METTL15: variants seen among roughly 807,000 people sequenced by gnomAD.
The protein encoded by METTL15 is 12S rRNA N(4)-cytidine methyltransferase METTL15.
In METTL15, 34 loss-of-function variants were observed where a neutral mutation model predicts 38.3. The observed-to-expected ratio is 0.89, with a 90% CI of 0.68 to 1.18. The LOEUF is 1.18. Ranked by LOEUF, METTL15 falls within the 50% of genes most tolerant of loss-of-function variation. The probability of loss-of-function intolerance (pLI) is 0.00; values close to 1 mark genes in which losing one functional copy is unlikely to be tolerated. For missense variants in METTL15, 438 were observed against 498.4 expected (o/e 0.88, Z 1.15); for synonymous variants, 162 against 170.9 (o/e 0.95, Z 0.41).
At chr11:28,300,477 G>A (rs572408501) in intron 6 of METTL15, among the ~76,000 whole-genome samples, 24 of 152,194 alleles carry the variant, frequency 1.6e-4, no homozygotes, top group African/African-American at 3.4e-4. Context: ...AGTTTGGTGC[G>A]TTTTGCTAGT....
At chr11:28,416,535 G>C (rs1256390980) in intron 5 of METTL15, among the ~76,000 whole-genome samples, 3 of 152,198 alleles carry the variant, frequency 2.0e-5, no homozygotes, top group African/African-American at 7.2e-5. Flanking sequence ...AACATGTTGG[G>C]TCCAGAACAG....
At chr11:28,407,833 TC>T (rs1850687272) in intron 5 of METTL15, among the ~76,000 whole-genome samples, 1 of 152,122 alleles carries the variant, frequency 6.6e-6, no homozygotes, top group Admixed American at 6.6e-5. Flanking sequence ...TATAAATCAT[TC>T]TATTATAAAG....
At chr11:28,318,240 C>T (rs1360901474) in intron 6 of METTL15, among the ~76,000 whole-genome samples, 12 of 152,068 alleles carry the variant, frequency 7.9e-5, no homozygotes, top group Non-Finnish European at 1.5e-5. Context: ...TTCTTTGCCA[C>T]CTGCTGTGTA....
At chr11:28,460,914 T>A (rs529416767) in intron 6 of METTL15, among the ~76,000 whole-genome samples, 2 of 152,136 alleles carry the variant, frequency 1.3e-5, no homozygotes, top group South Asian at 4.1e-4. Context: ...ACAGTAGTAA[T>A]CTTTTGGAGT....
chr11:28,482,949 G>T (rs1319642081), intron 6 of METTL15, among the ~76,000 whole-genome samples: 10 of 151,964 alleles, frequency 6.6e-5, no homozygotes. Context: ...ATAGGATAAG[G>T]CTGACCACTG....
At chr11:28,263,336 T>G (rs527495627) in intron 4 of METTL15, among the ~76,000 whole-genome samples, 2 of 152,248 alleles carry the variant, frequency 1.3e-5, no homozygotes, top group East Asian at 3.9e-4. Flanking sequence ...GGCATACCTT[T>G]TACCTTTTGG....
At chr11:28,322,793 A>G (rs899312141) in intron 6 of METTL15, among the ~76,000 whole-genome samples, 1 of 152,176 alleles carries the variant, frequency 6.6e-6, no homozygotes, top group African/African-American at 2.4e-5. Context: ...ATTGTGATGG[A>G]AAAAATAAAA....
rs1320439098 is a variant in METTL15 at position 28,160,579 on chromosome 11, C to T, written c.270+46975C>T. Reference sequence around the variant, plus strand: ...GAGTTTATTTTTTGTGTGACCCTGGCTTCTTAAAGGCAATCCTGATTACTC... The same window carrying T: ...GAGTTTATTTTTTGTGTGACCCTGGTTTCTTAAAGGCAATCCTGATTACTC... On this transcript the variant is annotated intron_variant, in intron 3 of 6. Coordinates refer to ENST00000407364, the MANE Select transcript of METTL15 (RefSeq NM_001113528.2). Among the ~76,000 whole-genome samples, 4 of 152,138 alleles carry T rather than the reference C, an allele frequency of 2.6e-5. No homozygotes were observed. The East Asian group carries it at 7.8e-4, about 29-fold the overall frequency.
chr11:28,364,195 T>C (rs1013815611), intron 5 of METTL15, among the ~76,000 whole-genome samples: 2 of 152,240 alleles, frequency 1.3e-5, no homozygotes, highest in Non-Finnish European at 2.9e-5. Flanking sequence ...AACTTTACAA[T>C]ATATTTTTCT....
At chr11:28,366,332 G>A (rs1369861794) in intron 5 of METTL15, among the ~76,000 whole-genome samples, 2 of 152,160 alleles carry the variant, frequency 1.3e-5, no homozygotes, top group African/African-American at 4.8e-5. Context: ...CCAGAATATG[G>A]TGAGGCATTA....
At chr11:28,471,571 G>A (rs1401883512) in intron 6 of METTL15, among the ~76,000 whole-genome samples, 1 of 152,034 alleles carries the variant, frequency 6.6e-6, no homozygotes, top group Non-Finnish European at 1.5e-5. Context: ...CTCTTTGTGT[G>A]GGGGTTATGG....
At chr11:28,465,878 G>A (rs1237093283) in intron 6 of METTL15, among the ~76,000 whole-genome samples, 1 of 152,148 alleles carries the variant, frequency 6.6e-6, no homozygotes, top group Non-Finnish European at 1.5e-5. Flanking sequence ...ATATTTCCAG[G>A]CATTGCCAAA....
chr11:28,458,494 G>A (rs1462089469), intron 6 of METTL15, among the ~76,000 whole-genome samples: 2 of 152,106 alleles, frequency 1.3e-5, no homozygotes, highest in Non-Finnish European at 2.9e-5. Context: ...CCAAAGCCTG[G>A]AGATCTTAAC....
chr11:28,509,189 A>G (rs1851654988), intron 6 of METTL15, among the ~76,000 whole-genome samples: 1 of 152,220 alleles, frequency 6.6e-6, no homozygotes, highest in Admixed American at 6.5e-5. Flanking sequence ...TAACTTTGCC[A>G]TATGTTCTAA....
At chr11:28,256,146 C>T (rs10835299) in intron 4 of METTL15, among the ~76,000 whole-genome samples, 57,644 of 152,066 alleles carry the variant, frequency 0.38, 12,581 homozygotes, top group African/African-American at 0.6. Flanking sequence ...ATTGGACATA[C>T]TGGCCTGTAG....
chr11:28,267,339 T>C (rs1055993526), intron 4 of METTL15, among the ~76,000 whole-genome samples: 7 of 152,054 alleles, frequency 4.6e-5, no homozygotes, highest in Non-Finnish European at 2.9e-5. Context: ...TTAGCTGTTT[T>C]TCTCTACCTG....
chr11:28,517,372 C>T (rs1473182611), intron 6 of METTL15: 1 of 151,676 alleles, frequency 6.6e-6, no homozygotes, highest in Non-Finnish European at 1.5e-5. Context: ...GGATATCCAT[C>T]CAATATGATA....
chr11:28,404,875 C>T (rs1032315927), intron 5 of METTL15, among the ~76,000 whole-genome samples: 4 of 152,018 alleles, frequency 2.6e-5, no homozygotes, highest in South Asian at 2.1e-4. Context: ...ACCCATCTTC[C>T]TCTTGATAGC....
At chr11:28,309,749 A>G (rs1857209666) in intron 6 of METTL15, among the ~76,000 whole-genome samples, 1 of 152,172 alleles carries the variant, frequency 6.6e-6, no homozygotes, top group Admixed American at 6.6e-5. Context: ...ATGCTACAAC[A>G]GCATTTTCCT....
Sources: gnomAD v4.1 joint callset for allele counts (sites outside exome capture counted in the v4.1 genomes callset) on GRCh38, gnomAD v4.1.1 for gene constraint, MANE v1.5 for transcripts, NCBI Gene and HGNC (gene_info 2026-07-23, HGNC 2026-07-21) for gene names.